Variants in LAMA2 observed in about 807,000 individuals in gnomAD.
LAMA2 encodes laminin subunit alpha 2, also known as laminin subunit alpha-2.
Under a neutral mutation model 364.8 loss-of-function variants are expected in LAMA2, and 269 were observed. The observed-to-expected ratio is 0.74, with a 90% CI of 0.67 to 0.82. The LOEUF (loss-of-function observed/expected upper bound fraction) is 0.82, where lower values mean the gene tolerates loss of function less well. Ranked by LOEUF, LAMA2 falls within the 40% of genes least tolerant of loss-of-function variation. LAMA2 has a pLI of 0.00. For synonymous variants in LAMA2, 1,379 were observed against 1,370.6 expected, an observed-to-expected ratio of 1.01 and a Z score of -0.14; for missense variants, 3,807 against 3,873.2, an observed-to-expected ratio of 0.98 and a Z score of 0.45.
intron 18 of LAMA2, among the ~76,000 whole-genome samples, chr6:129,284,980 A>AT: frequency 6.6e-6 from 1 of 152,292 alleles, no homozygotes; most frequent in South Asian, 2.1e-4. Context: ...TCGATAAACT[A>AT]TTTTTAAAAA....
At chr6:129,054,975 A>G (rs1383953859) in intron 2 of LAMA2, among the ~76,000 whole-genome samples, 1 of 150,304 alleles carries the variant, frequency 6.7e-6, no homozygotes, top group Non-Finnish European at 1.5e-5. Context: ...TGAAAGTTCT[A>G]CATTCAGAGT....
chr6:129,200,152 G>A (rs969527943), intron 12 of LAMA2, among the ~76,000 whole-genome samples: 3 of 130,960 alleles, frequency 2.3e-5, no homozygotes, highest in South Asian at 2.6e-4. Flanking sequence ...ACATATACAC[G>A]TGTATATATA....
At chr6:129,134,344 C>T (rs1053965209) in intron 4 of LAMA2, among the ~76,000 whole-genome samples, 9 of 152,124 alleles carry the variant, frequency 5.9e-5, no homozygotes, top group African/African-American at 1.7e-4. Context: ...ATAAAGCATA[C>T]GTATTTTTGA....
intron 17 of LAMA2, among the ~76,000 whole-genome samples, chr6:129,275,570 T>C (rs888371606): frequency 6.6e-6 from 1 of 152,032 alleles, no homozygotes; most frequent in Non-Finnish European, 1.5e-5. Context: ...TGGCAAGAGT[T>C]ATGTTAATTA....
intron 4 of LAMA2, among the ~76,000 whole-genome samples, chr6:129,107,983 AT>A (rs1238757206): frequency 2.0e-5 from 3 of 152,008 alleles, no homozygotes; most frequent in Non-Finnish European, 2.9e-5. Flanking sequence ...GCTGCTGCTT[AT>A]TTTTTATTTT....
chr6:129,248,225 AC>A (rs1785909308), intron 12 of LAMA2, among the ~76,000 whole-genome samples: 1 of 151,540 alleles, frequency 6.6e-6, no homozygotes, highest in African/African-American at 2.4e-5. Context: ...TTATCCCAAA[AC>A]CCCTCCTCTG....
intron 1 of LAMA2, among the ~76,000 whole-genome samples, chr6:128,987,608 A>G (rs1783346230): frequency 6.6e-6 from 1 of 152,158 alleles, no homozygotes; most frequent in African/African-American, 2.4e-5. Context: ...ATATTGCCAA[A>G]CTTTATGTTC....
At chr6:129,099,307 TA>T (rs932697156) in intron 4 of LAMA2, among the ~76,000 whole-genome samples, 7 of 151,968 alleles carry the variant, frequency 4.6e-5, no homozygotes, top group African/African-American at 1.7e-4. Flanking sequence ...AAATGCACAC[TA>T]AGTACTCTGT....
At chr6:128,929,987 A>C in intron 1 of LAMA2, 1 of 583,744 alleles carries the variant, frequency 1.7e-6, no homozygotes, top group South Asian at 1.9e-5. Context: ...ATCTTTGCGC[A>C]CGGCGGCGTT....
intron 1 of LAMA2, among the ~76,000 whole-genome samples, chr6:129,025,322 A>G (rs1027957805): frequency 2.0e-5 from 3 of 152,190 alleles, no homozygotes; most frequent in Non-Finnish European, 4.4e-5. Context: ...GCAAGTATTC[A>G]TATACATTGT....
At chr6:129,240,190 C>T (rs1215598099) in intron 12 of LAMA2, among the ~76,000 whole-genome samples, 1 of 152,204 alleles carries the variant, frequency 6.6e-6, no homozygotes, top group Non-Finnish European at 1.5e-5. Flanking sequence ...CCACGTTCTC[C>T]TGCCTGCTTT....
rs1774547209 is a variant in LAMA2, at chr6:129,088,495, TC to T, written c.397-9675del. Reference sequence around the variant, plus strand: ...CCGGTAGAGGCGCCCCCCACCTCCCTCCCAGACGGGGTGGCTGGCCAGGCGG... The same window carrying T: ...CCGGTAGAGGCGCCCCCCACCTCCCTCCAGACGGGGTGGCTGGCCAGGCGG... On this transcript the variant is annotated intron_variant, in intron 3 of 64. Coordinates refer to ENST00000421865, the MANE Select transcript of LAMA2 (RefSeq NM_000426.4). Among the ~76,000 whole-genome samples, 4 of 150,212 alleles carry T rather than the reference TC, an allele frequency of 2.7e-5. No individual in the cohort carries two copies. The South Asian group carries it at 8.5e-4, about 32-fold the overall frequency.
chr6:129,377,957 A>G (rs1386938278), intron 34 of LAMA2, among the ~76,000 whole-genome samples: 4 of 152,140 alleles, frequency 2.6e-5, no homozygotes, highest in African/African-American at 9.7e-5. Context: ...AACAAGAAAA[A>G]ATAGAAAAAG....
chr6:129,203,897 G>T (rs967451145), intron 12 of LAMA2, among the ~76,000 whole-genome samples: 1 of 152,144 alleles, frequency 6.6e-6, no homozygotes, highest in African/African-American at 2.4e-5. Flanking sequence ...ATTGTACAAA[G>T]CTCTCGAAAA....
chr6:129,119,549 A>ATTAT (rs563539716), intron 4 of LAMA2, among the ~76,000 whole-genome samples: 1,855 of 151,182 alleles, frequency 0.012, 20 homozygotes, highest in Non-Finnish European at 0.016. Context: ...TAATTAATTA[A>ATTAT]TTATTTATTT....
At position 129,164,251 on chromosome 6, in the gene LAMA2, G is replaced by A. The variant is rs544384190; in HGVS notation, c.1207-1325G>A. Among the ~76,000 whole-genome samples the A allele has an allele frequency of 3.9e-5, 6 of 152,212 alleles. No individual in the cohort carries two copies. In the East Asian group the frequency reaches 1.2e-3, roughly 29 times the overall value. On this transcript the variant is annotated intron_variant, in intron 8 of 64. Transcript: ENST00000421865. ...TACAGCATAGATATGCTGGACAAGG[G>A]GATGATTCATATCCCTGGTGCGACA...
intron 1 of LAMA2, chr6:128,905,608 T>C (rs1159169461): frequency 6.6e-6 from 1 of 151,988 alleles, no homozygotes; most frequent in Non-Finnish European, 1.5e-5. Context: ...TTTGTTTTTT[T>C]CGTTTTTTTA....
intron 29 of LAMA2, among the ~76,000 whole-genome samples, chr6:129,334,749 C>T (rs1583519237): frequency 6.6e-6 from 1 of 152,272 alleles, no homozygotes; most frequent in East Asian, 1.9e-4. Context: ...AGGCTTCTTT[C>T]CTGGTCATAG....
chr6:129,186,575 C>T (rs1299805519), intron 10 of LAMA2, among the ~76,000 whole-genome samples: 1 of 151,696 alleles, frequency 6.6e-6, no homozygotes, highest in Non-Finnish European at 1.5e-5. Flanking sequence ...GAGGACACTG[C>T]AACAGTAGCC....
Sources: gnomAD v4.1 joint callset for allele counts (sites outside exome capture counted in the v4.1 genomes callset) on GRCh38, gnomAD v4.1.1 for gene constraint, MANE v1.5 for transcripts, NCBI Gene and HGNC (gene_info 2026-07-23, HGNC 2026-07-21) for gene names.